Variants in ACSL1 observed in about 807,000 individuals in gnomAD.
The protein encoded by ACSL1 is long-chain-fatty-acid--CoA ligase 1.
Under a neutral mutation model 98.4 loss-of-function variants are expected in ACSL1, and 41 were observed. The ratio of observed to expected loss-of-function variants is 0.42; its 90% confidence interval spans 0.32 to 0.54. ACSL1 has a LOEUF of 0.54. Among genes scored for constraint, ACSL1 ranks in the 20% least tolerant of loss-of-function variants. The pLI is 0.13. For missense variants in ACSL1, 734 were observed against 883.1 expected, an observed-to-expected ratio of 0.83 and a Z score of 2.14; for synonymous variants, 316 against 322.7, an observed-to-expected ratio of 0.98 and a Z score of 0.22.
rs534163317 is a variant in ACSL1 at position 184,773,769 on chromosome 4, T to C, written c.790-55A>G. 2.6e-4 allele frequency: 415 copies of C among 1,607,968 alleles called. 1 individual carries two copies. The highest frequency in any genetic ancestry group is 1.7e-4 in the Middle Eastern group (1 of 6,052). ...TAAATCAGAACAGAAAAGAGAACTA[T>C]AAGCCACAAGGTACCAGGCTAGATA... On this transcript the variant is annotated intron_variant, in intron 8 of 20. Transcript: ENST00000281455. The surrounding 1 kb of genome is among the most constrained non-coding windows in gnomAD (Gnocchi z 4.3).
At chr4:184,762,334 G>A in intron 17 of ACSL1, 73 bp downstream of exon 17, 3 of 1,288,158 alleles carry the variant, frequency 2.3e-6, no homozygotes, top group Non-Finnish European at 3.4e-6. Flanking sequence ...CATGGCAGCT[G>A]CACAGTAGAT....
chr4:184,786,005 GGAGT>G (rs1365766303), intron 3 of ACSL1, among the ~76,000 whole-genome samples: 1 of 152,112 alleles, frequency 6.6e-6, no homozygotes, highest in Admixed American at 6.6e-5. Context: ...GTGGGTGAGC[GGAGT>G]GAGTGTGTGA....
At chr4:184,826,087 C>CCGGCCCCGCCCTCCCG (rs1554027022), upstream of ACSL1, 28,887 of 144,758 alleles carry the variant, frequency 0.2, 3,401 homozygotes, top group East Asian at 0.49. Context: ...GCTCGCCGCG[C>CCGGCCCCGCCCTCCCG]CGGCCCCGCC....
intron 5 of ACSL1, among the ~76,000 whole-genome samples, chr4:184,779,314 G>C (rs1765824757): frequency 6.6e-6 from 1 of 152,084 alleles, no homozygotes; most frequent in Admixed American, 6.6e-5. Context: ...TTCTGCTTTT[G>C]CTTCTTCCGC....
intron 2 of ACSL1, among the ~76,000 whole-genome samples, chr4:184,801,220 G>A (rs1770456505): frequency 6.6e-6 from 1 of 152,180 alleles, no homozygotes; most frequent in Admixed American, 6.5e-5. Context: ...CTGTGCTACT[G>A]CCTTAAAAAT....
chr4:184,811,061 A>T (rs1342081836), intron 1 of ACSL1, among the ~76,000 whole-genome samples: 1 of 152,180 alleles, frequency 6.6e-6, no homozygotes, highest in Non-Finnish European at 1.5e-5. Context: ...GTCTAAACAG[A>T]GGGCATAGGT....
chr4:184,803,530 GT>G lies in ACSL1; in HGVS notation c.-17del. ...GGGCTTGCATTGTCCTGTGTTGATA[GT>G]TCTCTAAGCTGAATTCTGTTGGGAG... On this transcript the variant is annotated 5_prime_UTR_variant, in exon 2 of 21. Coordinates refer to ENST00000281455, the MANE Select transcript of ACSL1 (RefSeq NM_001995.5). This position sits in a 1 kb window ranked among gnomAD's most constrained non-coding sequence, Gnocchi z 4.8. 1 of 1,504,902 alleles carries G rather than the reference GT, an allele frequency of 6.6e-7. No individual in the cohort carries two copies. Among genetic ancestry groups the G allele is most frequent in the Non-Finnish European group, 8.9e-7 (1 of 1,120,758 alleles). 93.2% of individuals were successfully genotyped at this position (1,504,902 alleles called of 1,614,324 possible). A position where few individuals can be genotyped will look rare whatever the true frequency, so the allele number is the denominator to read the frequency against.
chr4:184,788,644 C>T lies in ACSL1; in HGVS notation c.283G>A (p.Gly95Ser). ...GACACCTGTATTCCCCTCTGGAAAC[C>T]TTCGTATAATGTTGTGACATCATCA... ...FYDDVTTLYE[G>S]FQRGIQVSNN... is the part of the protein sequence containing the mutation. The change falls in exon 3 of 21, where the codon GGT (glycine) becomes AGT (serine). Residue 95 changes from glycine to serine, a missense_variant. Gly to Ser is a moderately conservative substitution (Grantham distance 56). Coordinates refer to ENST00000281455, the MANE Select transcript of ACSL1 (RefSeq NM_001995.5). 6.2e-7 allele frequency: 1 copy of T among 1,614,142 alleles called. No homozygotes were observed. Among genetic ancestry groups the T allele is most frequent in the Non-Finnish European group, 8.5e-7 (1 of 1,180,028 alleles).
At chr4:184,800,842 C>CT (rs1214440434) in intron 2 of ACSL1, among the ~76,000 whole-genome samples, 3 of 152,322 alleles carry the variant, frequency 2.0e-5, no homozygotes, top group African/African-American at 7.2e-5. Context: ...TTAACCTCCT[C>CT]TTTACAACCC....
intron 10 of ACSL1, among the ~76,000 whole-genome samples, 174 bp from the exon 11 acceptor site, chr4:184,770,650 C>T (rs996321203): frequency 1.4e-4 from 21 of 151,680 alleles, no homozygotes; most frequent in Non-Finnish European, 3.1e-4. Flanking sequence ...GGCACATGTA[C>T]ACATATGTAA....
At chr4:184,770,236 G>C (rs149629804) in intron 11 of ACSL1, 163 bp downstream of exon 11, 1 of 1,537,190 alleles carries the variant, frequency 6.5e-7, no homozygotes, top group Non-Finnish European at 8.7e-7. Context: ...AGGGATGACA[G>C]TCCGCACGCC....
chr4:184,765,378 A>T (rs1407373414), intron 14 of ACSL1, among the ~76,000 whole-genome samples: 2 of 152,194 alleles, frequency 1.3e-5, no homozygotes, highest in East Asian at 3.8e-4. Context: ...AAATTCAACA[A>T]ATGGCAGACA....
Position 184,763,032 on chromosome 4 carries a change from T to C in ACSL1, c.1521+135A>G, listed in dbSNP as rs1045952290. The C allele has an allele frequency of 2.6e-5, 22 of 858,340 alleles. No individual in the cohort carries two copies. In the Admixed American group the frequency reaches 5.2e-4, roughly 20 times the overall value. 53.2% of individuals were successfully genotyped at this position (858,340 alleles called of 1,614,324 possible). ...ATAAATGTACCCTCAGAAAGAAGCC[T>C]GGCAGACTCCAGGATCACCAATGAA... On this transcript the variant is annotated intron_variant, in intron 16 of 20. Coordinates refer to ENST00000281455, the MANE Select transcript of ACSL1 (RefSeq NM_001995.5).
Position 184,766,887 on chromosome 4 carries a change from G to A in ACSL1, c.1129-131C>T, listed in dbSNP as rs568538888. Reference sequence around the variant, plus strand: ...GCACAGCTGCTCTGACAGCCTGGCCGGTCCTCTAACGGCCCCACATGGTCA... The same window carrying A: ...GCACAGCTGCTCTGACAGCCTGGCCAGTCCTCTAACGGCCCCACATGGTCA... On this transcript the variant is annotated intron_variant, in intron 12 of 20. Transcript: ENST00000281455. The surrounding 1 kb of genome is among the most constrained non-coding windows in gnomAD (Gnocchi z 4.8). 2.3e-5 allele frequency: 25 copies of A among 1,079,528 alleles called. No homozygotes were observed. The highest frequency in any genetic ancestry group is 3.2e-5 in the African/African-American group (2 of 62,810). 66.9% of individuals were successfully genotyped at this position (1,079,528 alleles called of 1,614,324 possible). A position where few individuals can be genotyped will look rare whatever the true frequency, so the allele number is the denominator to read the frequency against.
At chr4:184,814,054 G>A (rs1772377854) in intron 1 of ACSL1, 1 of 353,708 alleles carries the variant, frequency 2.8e-6, no homozygotes, top group Non-Finnish European at 5.8e-6. Flanking sequence ...ACTTAGAGAG[G>A]CCGAGGCGGG....
At chr4:184,818,901 T>C (rs1233758135) in intron 1 of ACSL1, among the ~76,000 whole-genome samples, 2 of 152,130 alleles carry the variant, frequency 1.3e-5, no homozygotes, top group African/African-American at 4.8e-5. Flanking sequence ...ATTAACCCTT[T>C]AGTTTCCATA....
intron 1 of ACSL1, chr4:184,821,235 C>T (rs1218868039): frequency 5.3e-6 from 2 of 375,090 alleles, no homozygotes; most frequent in African/African-American, 4.2e-5. Context: ...ACACCTGGAC[C>T]CTGAAGGAGA....
At position 184,775,551 on chromosome 4, in the gene ACSL1, C is replaced by T. The variant is rs10024294; in HGVS notation, c.756+933G>A. 2.5e-3 allele frequency among the ~76,000 whole-genome samples: 377 copies of T among 152,194 alleles called. 2 individuals carry two copies. The highest frequency in any genetic ancestry group is 8.4e-3 in the African/African-American group (350 of 41,522). ...AAGGAAGCACCCGGGTCAGCACTTGCGGAATCACGTTCGATGCTACTGAGA... is the reference window on the plus strand; with the variant it reads ...AAGGAAGCACCCGGGTCAGCACTTGTGGAATCACGTTCGATGCTACTGAGA... On this transcript the variant is annotated intron_variant, in intron 7 of 20. Transcript: ENST00000281455.
chr4:184,762,569 T>G lies in ACSL1; in HGVS notation c.1522-46A>C, dbSNP rs761507953. On this transcript the variant is annotated intron_variant, in intron 16 of 20. Coordinates refer to ENST00000281455, the MANE Select transcript of ACSL1 (RefSeq NM_001995.5). ...AGTGAACAGCATTTACTGGGGTTTT[T>G]CCAGAGAAAACTGGTGTGTGCATGT... 4 of 1,561,192 alleles carry G rather than the reference T, an allele frequency of 2.6e-6. No homozygotes were observed. The East Asian group carries it at 9.0e-5, about 35-fold the overall frequency.
Sources: gnomAD v4.1 joint callset for allele counts (sites outside exome capture counted in the v4.1 genomes callset) on GRCh38, gnomAD v4.1.1 for gene constraint, Gnocchi (gnomAD v3.1) non-coding constraint, MANE v1.5 for transcripts, NCBI Gene and HGNC (gene_info 2026-07-23, HGNC 2026-07-21) for gene names.